Variants in SAMD12 observed in about 807,000 individuals in gnomAD.
SAMD12 encodes sterile alpha motif domain containing 12, also known as sterile alpha motif domain-containing protein 12.
In SAMD12, 9 loss-of-function variants were observed where a neutral mutation model predicts 15.0. The ratio of observed to expected loss-of-function variants is 0.60; its 90% CI spans 0.36 to 1.05. SAMD12 has a LOEUF of 1.05. Among genes scored for constraint, SAMD12 ranks in the 50% least tolerant of loss-of-function variants. SAMD12 has a pLI of 0.01. For missense variants in SAMD12, 230 were observed against 234.2 expected (o/e 0.98, Z 0.12); for synonymous variants, 86 against 90.1 (o/e 0.96, Z 0.25).
At chr8:118,362,315 A>G (rs1818541032) in intron 4 of SAMD12, among the ~76,000 whole-genome samples, 1 of 152,210 alleles carries the variant, frequency 6.6e-6, no homozygotes, top group Admixed American at 6.5e-5. Context: ...AAGTGTTAGG[A>G]GAGAATTAAT....
chr8:118,566,726 CAT>C (rs1826862642), intron 2 of SAMD12, among the ~76,000 whole-genome samples: 1 of 152,186 alleles, frequency 6.6e-6, no homozygotes, highest in East Asian at 1.9e-4. Context: ...AGAGACTGTT[CAT>C]CCAAGGGGGG....
intron 4 of SAMD12, among the ~76,000 whole-genome samples, chr8:118,338,069 AC>A (rs1193457001): frequency 6.6e-6 from 1 of 152,206 alleles, no homozygotes; most frequent in Non-Finnish European, 1.5e-5. Flanking sequence ...ACAATGTAGC[AC>A]CTATCTAAAG....
chr8:118,379,599 C>T lies in SAMD12; in HGVS notation c.424G>A (p.Val142Met), dbSNP rs752404789. ...TGTAGATTTCTGACTTCTTCTCGCA[C>T]CTTCAGCTGGAGCACCTGTTGTAAG... Reference protein sequence around the residue: ...HILQQVLQLKVREEVRNLQLL... With the variant: ...HILQQVLQLKMREEVRNLQLL... The change falls in exon 4 of 4, where the codon GTG becomes ATG. Residue 142 changes from valine (V) to methionine (M), a missense_variant. By Grantham distance (21) the Val-to-Met change is conservative. Coordinates refer to ENST00000314727, the MANE Select transcript of SAMD12 (RefSeq NM_207506.3). 3.7e-6 allele frequency: 6 copies of T among 1,613,844 alleles called. No individual in the cohort carries two copies. The African/African-American group carries it at 4.0e-5, about 11-fold the overall frequency.
chr8:118,135,368 G>A, the SAMD12 span, among the ~76,000 whole-genome samples: 1 of 152,004 alleles, frequency 6.6e-6, no homozygotes, highest in African/African-American at 2.4e-5. Flanking sequence ...TTTTAGTAGA[G>A]ACGGAGTTTC....
chr8:118,363,479 G>A (rs757788988), intron 4 of SAMD12, among the ~76,000 whole-genome samples: 3 of 152,060 alleles, frequency 2.0e-5, no homozygotes, highest in Non-Finnish European at 4.4e-5. Context: ...TGAGACACTG[G>A]GTTTTTTTTT....
intron 4 of SAMD12, among the ~76,000 whole-genome samples, chr8:118,217,692 A>G (rs1341683377): frequency 6.6e-6 from 1 of 152,178 alleles, no homozygotes; most frequent in Non-Finnish European, 1.5e-5. Context: ...TTAGAAAGTT[A>G]GTGATGCCCA....
At chr8:118,237,789 A>C (rs731563) in intron 4 of SAMD12, among the ~76,000 whole-genome samples, 10,651 of 152,274 alleles carry the variant, frequency 0.07, 474 homozygotes, top group South Asian at 0.13. Context: ...AAAAAAATTC[A>C]GAAATATATT....
At chr8:118,590,789 T>C (rs985653908) in intron 1 of SAMD12, among the ~76,000 whole-genome samples, 1 of 152,206 alleles carries the variant, frequency 6.6e-6, no homozygotes, top group Non-Finnish European at 1.5e-5. Context: ...AGACAATCCA[T>C]AGACACCAAC....
exon 5 of SAMD12, chr8:118,193,943 T>A (rs1489047962): frequency 6.6e-6 from 1 of 152,162 alleles, no homozygotes; most frequent in Non-Finnish European, 1.5e-5. Flanking sequence ...TTCTAAAGAA[T>A]GTAGAGGAAA....
chr8:118,160,607 C>T, the SAMD12 span, among the ~76,000 whole-genome samples: 3 of 152,124 alleles, frequency 2.0e-5, no homozygotes, highest in Admixed American at 6.6e-5. Context: ...AAGTTTCCAA[C>T]AAATGGTGCC....
At chr8:118,443,564 C>T (rs1822818743) in intron 2 of SAMD12, among the ~76,000 whole-genome samples, 1 of 152,056 alleles carries the variant, frequency 6.6e-6, no homozygotes, top group Non-Finnish European at 1.5e-5. Flanking sequence ...ATAAAGATTC[C>T]TACTGTTTGT....
intron 4 of SAMD12, among the ~76,000 whole-genome samples, chr8:118,307,943 C>T (rs1815429510): frequency 6.6e-6 from 1 of 152,220 alleles, no homozygotes. Context: ...GCCATGGCTG[C>T]TGCCCTTGAC....
chr8:118,194,791 T>A (rs949080746), exon 5 of SAMD12: 1 of 152,172 alleles, frequency 6.6e-6, no homozygotes, highest in Non-Finnish European at 1.5e-5. Flanking sequence ...AAGTTAACCA[T>A]GGGAGATCAC....
intron 1 of SAMD12, among the ~76,000 whole-genome samples, chr8:118,601,547 A>G (rs1353129598): frequency 1.3e-5 from 2 of 152,214 alleles, no homozygotes; most frequent in Admixed American, 1.3e-4. Flanking sequence ...ACTGAGTATC[A>G]TAAGTTCAAA....
the SAMD12 span, among the ~76,000 whole-genome samples, chr8:118,136,063 C>T: frequency 6.7e-6 from 1 of 150,370 alleles, no homozygotes; most frequent in African/African-American, 2.4e-5. Flanking sequence ...GAGTCTCACT[C>T]TTGTCACCCA....
intron 2 of SAMD12, among the ~76,000 whole-genome samples, chr8:118,526,952 A>G (rs1240449733): frequency 6.6e-6 from 1 of 152,208 alleles, no homozygotes; most frequent in Non-Finnish European, 1.5e-5. Context: ...GTCATATCAA[A>G]CAAACTCACT....
chr8:118,203,158 G>A (rs1343772395), intron 4 of SAMD12, among the ~76,000 whole-genome samples: 1 of 152,188 alleles, frequency 6.6e-6, no homozygotes, highest in Non-Finnish European at 1.5e-5. Flanking sequence ...CAACAAGAAT[G>A]GAGGAGAGAA....
At chr8:118,268,694 A>T (rs1335503109) in intron 4 of SAMD12, among the ~76,000 whole-genome samples, 1 of 152,128 alleles carries the variant, frequency 6.6e-6, no homozygotes, top group Admixed American at 6.6e-5. Flanking sequence ...CTCACCTGTA[A>T]TCCCAGCTAC....
intron 4 of SAMD12, among the ~76,000 whole-genome samples, chr8:118,302,945 G>C (rs954089585): frequency 6.6e-6 from 1 of 152,066 alleles, no homozygotes; most frequent in African/African-American, 2.4e-5. Context: ...GTGCAACTAG[G>C]CATCTGTTAT....
Sources: allele counts gnomAD v4.1 joint callset (sites outside exome capture counted in the v4.1 genomes callset), GRCh38; gene constraint gnomAD v4.1.1; transcripts MANE v1.5; gene names NCBI Gene and HGNC (gene_info 2026-07-23, HGNC 2026-07-21).